Variants in DOCK4 observed in about 807,000 individuals in gnomAD.
The protein encoded by DOCK4 is dedicator of cytokinesis 4, also known as dedicator of cytokinesis protein 4.
In DOCK4, 97 loss-of-function variants were observed where a neutral mutation model predicts 268.1. The ratio of observed to expected loss-of-function variants is 0.36; its 90% confidence interval spans 0.31 to 0.43. The LOEUF (loss-of-function observed/expected upper bound fraction) is 0.43, where lower values mean the gene tolerates loss of function less well. DOCK4 is among the 20% of genes least tolerant of loss of function. The probability of loss-of-function intolerance (pLI) is 1.00; values close to 1 mark genes in which losing one functional copy is unlikely to be tolerated. For synonymous variants in DOCK4, 954 were observed against 887.2 expected (o/e 1.08, Z -1.34); for missense variants, 2,145 against 2,455.7 (o/e 0.87, Z 2.67).
intron 8 of DOCK4, among the ~76,000 whole-genome samples, chr7:111,961,822 C>T (rs2134988009): frequency 6.6e-6 from 1 of 152,278 alleles, no homozygotes; most frequent in Non-Finnish European, 1.5e-5. Context: ...GAATGGAATT[C>T]AGACCATCAT....
chr7:112,200,126 A>T (rs1194680929), intron 1 of DOCK4, among the ~76,000 whole-genome samples: 1 of 152,242 alleles, frequency 6.6e-6, no homozygotes, highest in Non-Finnish European at 1.5e-5. Flanking sequence ...TCCTTCTGGT[A>T]TCACAAATGT....
intron 25 of DOCK4, among the ~76,000 whole-genome samples, chr7:111,842,977 T>A (rs1231027204): frequency 9.2e-5 from 14 of 152,218 alleles, no homozygotes. Context: ...TCCAGAGCTT[T>A]ATAATATAGA....
chr7:112,169,527 T>C (rs191744320), intron 1 of DOCK4, among the ~76,000 whole-genome samples: 100 of 152,224 alleles, frequency 6.6e-4, no homozygotes, highest in Admixed American at 1.8e-3. Context: ...TCTATGAGGG[T>C]GGGGGAATTA....
Position 111,784,094 on chromosome 7 carries a change from T to C in DOCK4, c.3428+3A>G. 2 of 1,580,372 alleles carry C rather than the reference T, an allele frequency of 1.3e-6. No homozygotes were observed. Among genetic ancestry groups the C allele is most frequent in the Non-Finnish European group, 8.6e-7 (1 of 1,167,938 alleles). ...GTAGCACAATTTGCAAACAATGTCT[T>C]ACCTAGGATAGGGACCAAATAGTGG... is the stretch of plus-strand genomic sequence containing the variant. On this transcript the variant is annotated splice_donor_region_variant and intron_variant, in intron 33 of 52. Transcript: ENST00000428084.
chr7:111,739,337 T>A, intron 48 of DOCK4, 59 bp downstream of exon 48: 2 of 1,594,886 alleles, frequency 1.3e-6, no homozygotes, highest in South Asian at 1.1e-5. Flanking sequence ...CTGGCCACAG[T>A]TCCCAGGACT....
chr7:111,869,443 T>C (rs2134221886), intron 21 of DOCK4, 131 bp downstream of exon 21: 1 of 817,890 alleles, frequency 1.2e-6, no homozygotes, highest in East Asian at 2.9e-5. Flanking sequence ...ACAAACTGAT[T>C]AAGATCCTTG....
At chr7:111,768,911 A>G (rs11981927) in intron 37 of DOCK4, among the ~76,000 whole-genome samples, 12,027 of 152,150 alleles carry the variant, frequency 0.079, 1,518 homozygotes, top group African/African-American at 0.27. Context: ...CCCCCAGGGT[A>G]ATGGTATTAG....
At chr7:112,021,499 C>A (rs1802313686) in intron 1 of DOCK4, among the ~76,000 whole-genome samples, 1 of 152,184 alleles carries the variant, frequency 6.6e-6, no homozygotes, top group African/African-American at 2.4e-5. Flanking sequence ...AATAAAAATT[C>A]CTGAGGCCAC....
chr7:112,191,291 G>T (rs1365422557), intron 1 of DOCK4, among the ~76,000 whole-genome samples: 1 of 152,038 alleles, frequency 6.6e-6, no homozygotes, highest in African/African-American at 2.4e-5. Context: ...CCCTGCTTCT[G>T]GTCCATCCTC....
intron 23 of DOCK4, among the ~76,000 whole-genome samples, chr7:111,853,937 G>GTT (rs376993491): frequency 2.7e-5 from 4 of 148,864 alleles, no homozygotes; most frequent in African/African-American, 9.8e-5. Flanking sequence ...TTGTTGTTTG[G>GTT]TTTTTTTTTT....
intron 30 of DOCK4, among the ~76,000 whole-genome samples, chr7:111,793,745 T>C (rs957172783): frequency 7.9e-5 from 12 of 152,056 alleles, no homozygotes; most frequent in African/African-American, 2.9e-4. Flanking sequence ...CCTGGTGCAG[T>C]GGTTCAACGC....
Position 111,895,630 on chromosome 7 carries a change from A to T in DOCK4, c.1569T>A (p.His523Gln). The T allele has an allele frequency of 1.2e-6, 2 of 1,613,896 alleles. No homozygotes were observed. The highest frequency in any genetic ancestry group is 1.7e-6 in the Non-Finnish European group (2 of 1,179,812). ...EDGRTLPDGTHELIVHKCEEN... is the reference protein window; with the variant it reads ...EDGRTLPDGTQELIVHKCEEN... ...ATGTTACCTTATGCACGATGAGCTCATGAGTGCCATCTGGAAGAGTCCTAC... is the reference window on the plus strand; with the variant it reads ...ATGTTACCTTATGCACGATGAGCTCTTGAGTGCCATCTGGAAGAGTCCTAC... Residue 523 changes from histidine (H) to glutamine (Q), a missense_variant, in exon 16 of 53, where the codon CAT becomes CAA. Physicochemically the swap from His to Gln is conservative, Grantham distance 24 (BLOSUM62 0). Coordinates refer to ENST00000428084, the MANE Select transcript of DOCK4 (RefSeq NM_001363540.2).
intron 3 of DOCK4, among the ~76,000 whole-genome samples, chr7:111,999,630 G>A (rs572642800): frequency 1.3e-4 from 20 of 151,974 alleles, no homozygotes; most frequent in Admixed American, 2.0e-4. Flanking sequence ...GTCCCTTACC[G>A]TTCCCCTTTA....
chr7:111,990,989 A>C (rs1012951349), intron 5 of DOCK4, among the ~76,000 whole-genome samples: 1 of 152,232 alleles, frequency 6.6e-6, no homozygotes, highest in African/African-American at 2.4e-5. Context: ...CACCCAAGTC[A>C]ATAAAATTAT....
chr7:111,845,488 G>T (rs6948310), intron 24 of DOCK4, among the ~76,000 whole-genome samples: 101 of 152,256 alleles, frequency 6.6e-4, no homozygotes, highest in African/African-American at 2.2e-3. Context: ...AAAGTTAATA[G>T]TATCCACGCC....
At chr7:111,884,419 A>G (rs145188631) in intron 16 of DOCK4, among the ~76,000 whole-genome samples, 1 of 152,356 alleles carries the variant, frequency 6.6e-6, no homozygotes, top group Non-Finnish European at 1.5e-5. Context: ...CACAACTACC[A>G]TATAACATTG....
chr7:111,830,182 A>T (rs567477530), intron 26 of DOCK4, among the ~76,000 whole-genome samples: 1 of 152,274 alleles, frequency 6.6e-6, no homozygotes, highest in African/African-American at 2.4e-5. Context: ...AAACAAGATG[A>T]CTAGGGAGGC....
intron 29 of DOCK4, 127 bp downstream of exon 29, chr7:111,809,174 T>G: frequency 1.3e-6 from 1 of 794,002 alleles, no homozygotes; most frequent in Non-Finnish European, 2.0e-6. Context: ...AGACTGCTTC[T>G]TGACCCCTTG....
Position 111,994,210 on chromosome 7 carries a change from G to A in DOCK4, c.240C>T (p.Pro80=). 6.3e-7 allele frequency: 1 copy of A among 1,593,018 alleles called. No homozygotes were observed. The part of the protein sequence containing the change: ...KNKGQFEMVI[P]TEDSVITEMT... The stretch of plus-strand genomic sequence containing the variant: ...TTTCTGTGATAACAGAGTCTTCAGT[G>A]GGAATAACCATTTCAAATTGTCTGT... The change falls in exon 5 of 53, where the codon CCC becomes CCT. Residue 80 remains proline (P), a synonymous_variant. Transcript: ENST00000428084.
Sources: gnomAD v4.1 joint callset for allele counts (sites outside exome capture counted in the v4.1 genomes callset) on GRCh38, gnomAD v4.1.1 for gene constraint, MANE v1.5 for transcripts, NCBI Gene and HGNC (gene_info 2026-07-23, HGNC 2026-07-21) for gene names.